The following ABCB11 variants were observed in gnomAD, a reference collection of about 807,000 sequenced individuals.
The protein encoded by ABCB11 is ATP binding cassette subfamily B member 11, also known as bile salt export pump.
ABCB11 carries 95 observed loss-of-function variants against 148.0 expected under a neutral mutation model. The ratio of observed to expected loss-of-function variants is 0.64; its 90% CI spans 0.54 to 0.76. The LOEUF (loss-of-function observed/expected upper bound fraction) is 0.76, where lower values mean the gene tolerates loss of function less well. Among genes scored for constraint, ABCB11 ranks in the 30% least tolerant of loss-of-function variants. The pLI, the probability that ABCB11 is intolerant of heterozygous loss-of-function variation, is 0.00. For missense variants in ABCB11, 1,523 were observed against 1,617.8 expected (o/e 0.94, Z 1.01); for synonymous variants, 591 against 555.4 (o/e 1.06, Z -0.90).
At chr2:168,947,931 A>G (rs1053953687) in intron 19 of ABCB11, among the ~76,000 whole-genome samples, 1 of 151,492 alleles carries the variant, frequency 6.6e-6, no homozygotes, top group Admixed American at 6.6e-5. Context: ...CAGCAATTAT[A>G]GTTGAATCTC....
At chr2:168,994,111 G>C (rs1365737797) in intron 7 of ABCB11, among the ~76,000 whole-genome samples, 2 of 151,966 alleles carry the variant, frequency 1.3e-5, no homozygotes, top group Non-Finnish European at 2.9e-5. Flanking sequence ...TTCCCAGCTG[G>C]TACTCAGTGT....
At chr2:168,978,304 C>G (rs1302683462) in intron 11 of ABCB11, among the ~76,000 whole-genome samples, 1 of 151,848 alleles carries the variant, frequency 6.6e-6, no homozygotes, top group Admixed American at 6.6e-5. Context: ...TGCCACCACA[C>G]CCGGCTACTT....
At position 169,002,328 on chromosome 2, in the gene ABCB11, G is replaced by A. The variant is rs75566715; in HGVS notation, c.390-5606C>T. Among the ~76,000 whole-genome samples the A allele has an allele frequency of 7.3e-3, 1,108 of 152,234 alleles. 10 individuals carry two copies. Among genetic ancestry groups the A allele is most frequent in the African/African-American group, 0.023 (951 of 41,558 alleles). On this transcript the variant is annotated intron_variant, in intron 5 of 27. Coordinates refer to ENST00000650372, the MANE Select transcript of ABCB11 (RefSeq NM_003742.4). ...GTGATGGCAAGAATGTGGAAAAAAG[G>A]GAACACTTGTACACTGTTGGTGGGA...
In ABCB11 at chr2:168,921,874, T is replaced by C. The variant is rs1423258750; in HGVS notation, c.*1748A>G. Among the ~76,000 whole-genome samples, 2 of 149,834 alleles carry C rather than the reference T, an allele frequency of 1.3e-5. No individual in the cohort carries two copies. The highest frequency in any genetic ancestry group is 6.6e-5 in the Admixed American group (1 of 15,094). ...TTCTTTTTCTTTTTCTTTTTTTTTTTTTTTCGCTCTGTCGCCCAGGCTGGA... is the reference window on the plus strand; with the variant it reads ...TTCTTTTTCTTTTTCTTTTTTTTTTCTTTTCGCTCTGTCGCCCAGGCTGGA... On this transcript the variant is annotated 3_prime_UTR_variant, in exon 28 of 28. Transcript: ENST00000650372.
At chr2:168,940,663 A>G (rs1482532555) in intron 21 of ABCB11, among the ~76,000 whole-genome samples, 6 of 152,118 alleles carry the variant, frequency 3.9e-5, no homozygotes, top group Admixed American at 3.9e-4. Context: ...ACCAAATAAC[A>G]TATTTTCCGT....
At position 169,014,174 on chromosome 2, in the gene ABCB11, C is replaced by T. The variant is rs572684867; in HGVS notation, c.150+129G>A. The T allele has an allele frequency of 3.4e-6, 3 of 873,940 alleles. No individual in the cohort carries two copies. The African/African-American group carries it at 5.0e-5, about 15-fold the overall frequency. The allele number at this position is 873,940 out of a possible 1,614,324, so 54.1% of individuals were successfully genotyped here. On this transcript the variant is annotated intron_variant, in intron 4 of 27. Transcript: ENST00000650372. The stretch of plus-strand genomic sequence containing the variant: ...TCAGCATGTTATCACATAGGCAAAG[C>T]CTATGACTGAAAAAGTGATCACTGA...
chr2:168,970,664 TG>T (rs1355333853), intron 14 of ABCB11: 2 of 292,420 alleles, frequency 6.8e-6, no homozygotes, highest in Admixed American at 9.5e-5. Flanking sequence ...TGACAAAAGA[TG>T]GTTACTGATT....
At chr2:168,983,920 A>T (rs1190642490) in intron 10 of ABCB11, among the ~76,000 whole-genome samples, 1 of 152,122 alleles carries the variant, frequency 6.6e-6, no homozygotes, top group Admixed American at 6.6e-5. Context: ...TGTTTCCCTG[A>T]CCTCGTAGAT....
chr2:169,011,119 G>T (rs1164258903), intron 5 of ABCB11, among the ~76,000 whole-genome samples: 1 of 152,110 alleles, frequency 6.6e-6, no homozygotes, highest in Non-Finnish European at 1.5e-5. Context: ...TAATTCATTG[G>T]ATAAATATTC....
intron 6 of ABCB11, among the ~76,000 whole-genome samples, chr2:168,996,160 G>C (rs1694707674): frequency 6.6e-6 from 1 of 151,950 alleles, no homozygotes; most frequent in Non-Finnish European, 1.5e-5. Context: ...TAAGAGTTAA[G>C]TACCTCCAAG....
At chr2:168,951,257 A>T (rs1400512769) in intron 19 of ABCB11, among the ~76,000 whole-genome samples, 1 of 151,578 alleles carries the variant, frequency 6.6e-6, no homozygotes, top group Admixed American at 6.6e-5. Flanking sequence ...TTCCATGTGA[A>T]TTTTAAAATT....
At chr2:168,916,436 A>T (rs1690943071), downstream of ABCB11, among the ~76,000 whole-genome samples, 1 of 152,244 alleles carries the variant, frequency 6.6e-6, no homozygotes, top group African/African-American at 2.4e-5. Context: ...TTGCATTCGG[A>T]TAGCCACATG....
chr2:168,974,782 T>A (rs1218707190), intron 12 of ABCB11, among the ~76,000 whole-genome samples: 1 of 151,902 alleles, frequency 6.6e-6, no homozygotes, highest in Non-Finnish European at 1.5e-5. Flanking sequence ...GTTTTAGCTA[T>A]CCATTCAAAA....
rs1693474476 is a variant in ABCB11 at position 168,969,470 on chromosome 2, G to T, written c.1891C>A (p.His631Asn). Reference protein sequence around the residue: ...RAADTIIGFEHGTAVERGTHE... With the variant: ...RAADTIIGFENGTAVERGTHE... The stretch of plus-strand genomic sequence containing the variant: ...GTCCCTCTTTCCACTGCAGTGCCAT[G>T]TTCAAAACCAATGATGGTATCTGCA... Residue 631 changes from histidine (H) to asparagine (N), a missense_variant, in exon 16 of 28, where the codon CAT (histidine) becomes AAT (asparagine). Transcript: ENST00000650372. The T allele has an allele frequency of 6.2e-7, 1 of 1,612,414 alleles. No homozygotes were observed.
chr2:168,985,138 T>C (rs533489910), intron 10 of ABCB11, among the ~76,000 whole-genome samples: 2 of 151,038 alleles, frequency 1.3e-5, no homozygotes, highest in Admixed American at 1.3e-4. Flanking sequence ...AACAAACATA[T>C]GAAAAAAATG....
At chr2:169,030,361 G>T (rs1457881515) in intron 1 of ABCB11, among the ~76,000 whole-genome samples, 1 of 152,108 alleles carries the variant, frequency 6.6e-6, no homozygotes, top group Non-Finnish European at 1.5e-5. Context: ...ACCAAGGTGA[G>T]GGGGGTGAGC....
At position 168,927,209 on chromosome 2, in the gene ABCB11, T is replaced by A; in HGVS notation, c.3565A>T (p.Ile1189Leu). The A allele has an allele frequency of 6.2e-7, 1 of 1,613,904 alleles. No individual in the cohort carries two copies. The highest frequency in any genetic ancestry group is 8.5e-7 in the Non-Finnish European group (1 of 1,179,802). Residue 1189 changes from isoleucine (I) to leucine (L), a missense_variant, in exon 26 of 28, where the codon ATA becomes TTA. Physicochemically the swap from Ile to Leu is conservative, Grantham distance 5 (BLOSUM62 2). Coordinates refer to ENST00000650372, the MANE Select transcript of ABCB11 (RefSeq NM_003742.4). ...AGCTGAGCCTGTTTTGCAGCTGCTA[T>A]GACTCTTTCCATGGGAATTTCTTTG... ...NTKEIPMERV[I>L]AAAKQAQLHD...
intron 10 of ABCB11, among the ~76,000 whole-genome samples, chr2:168,980,669 A>G (rs572554469): frequency 1.3e-5 from 2 of 152,186 alleles, no homozygotes; most frequent in South Asian, 2.1e-4. Context: ...CAGGCTTTTG[A>G]CTGCCATTCT....
At chr2:168,924,498 C>T (rs970616081) in intron 27 of ABCB11, among the ~76,000 whole-genome samples, 159 bp downstream of exon 27, 2 of 152,118 alleles carry the variant, frequency 1.3e-5, no homozygotes, top group African/African-American at 4.8e-5. Context: ...TATATTAAAT[C>T]ACTTGCTCTA....
Sources: gnomAD v4.1 joint callset for allele counts (sites outside exome capture counted in the v4.1 genomes callset) on GRCh38, gnomAD v4.1.1 for gene constraint, MANE v1.5 for transcripts, NCBI Gene and HGNC (gene_info 2026-07-23, HGNC 2026-07-21) for gene names.